YTHDF2: variants seen among roughly 807,000 people sequenced by gnomAD.
YTHDF2 encodes the protein YTH N6-methyladenosine RNA binding protein F2, also known as YTH domain-containing family protein 2.
A neutral mutation model predicts 50.4 loss-of-function variants in YTHDF2; 2 were observed. That is an observed-to-expected ratio of 0.04 (90% CI 0.02 to 0.12). YTHDF2 has a LOEUF of 0.12. YTHDF2 is among the 10% of genes least tolerant of loss of function. YTHDF2 has a pLI of 1.00. For synonymous variants in YTHDF2, 217 were observed against 255.6 expected (o/e 0.85, Z 1.44); for missense variants, 483 against 722.6 (o/e 0.67, Z 3.80).
intron 4 of YTHDF2, 90 bp downstream of exon 4, chr1:28,744,076 T>G (rs2087819882): frequency 1.5e-6 from 2 of 1,336,714 alleles, no homozygotes; most frequent in Non-Finnish European, 2.0e-6. Flanking sequence ...TAATAAAAAC[T>G]CTGTAAATGA....
intron 4 of YTHDF2, 73 bp from the exon 5 acceptor site, chr1:28,768,856 T>A: frequency 1.7e-6 from 2 of 1,157,456 alleles, no homozygotes; most frequent in Non-Finnish European, 2.5e-6. Flanking sequence ...TGAGTTATTC[T>A]GTGAAGTTTT....
intron 4 of YTHDF2, among the ~76,000 whole-genome samples, chr1:28,745,480 TC>T (rs1174111589): frequency 1.4e-4 from 22 of 152,322 alleles, no homozygotes; most frequent in African/African-American, 4.8e-4. Context: ...ACGCCTATAA[TC>T]CCAGCACTTT....
intron 4 of YTHDF2, among the ~76,000 whole-genome samples, chr1:28,752,996 G>T (rs1219817917): frequency 1.3e-5 from 2 of 151,946 alleles, no homozygotes; most frequent in African/African-American, 4.8e-5. Flanking sequence ...AATGAGCTGT[G>T]ATCATGCCAC....
At chr1:28,753,262 C>G (rs777677737) in intron 4 of YTHDF2, among the ~76,000 whole-genome samples, 8 of 146,114 alleles carry the variant, frequency 5.5e-5, no homozygotes, top group Non-Finnish European at 9.0e-5. Flanking sequence ...GGCTCATGCC[C>G]GTAATCCTCG....
At chr1:28,740,790 ACC>A (rs2087764154) in intron 3 of YTHDF2, among the ~76,000 whole-genome samples, 1 of 148,458 alleles carries the variant, frequency 6.7e-6, no homozygotes, top group African/African-American at 2.5e-5. Flanking sequence ...TGCAACCTTC[ACC>A]TCCTGGGTTC....
Position 28,768,932 on chromosome 1 carries a change from C to T in YTHDF2, c.1720C>T (p.Arg574Cys), listed in dbSNP as rs1006472903. The change falls in exon 5 of 5, where the codon CGT becomes TGT. Residue 574 changes from arginine to cysteine, a missense_variant. Around this residue, in one of 4 missense-constraint regions of YTHDF2, gnomAD observed 38 missense variants for 60.1 expected, o/e 0.63. Coordinates refer to ENST00000373812, the MANE Select transcript of YTHDF2 (RefSeq NM_016258.3). ...AATTTTTTTCTTACCTCTGTAGGAA[C>T]GTCAAGGTCGTGGGAAATAAAAGGC... The part of the protein sequence containing the change: ...QEEEESVKKE[R>C]QGRGK 53 of 1,592,612 alleles carry T rather than the reference C, an allele frequency of 3.3e-5. No individual in the cohort carries two copies. The highest frequency in any genetic ancestry group is 4.5e-5 in the Non-Finnish European group (53 of 1,168,648).
At chr1:28,737,207 C>T (rs1384450069) in intron 1 of YTHDF2, 60 bp downstream of exon 1, 2 of 1,486,252 alleles carry the variant, frequency 1.3e-6, no homozygotes, top group African/African-American at 1.4e-5. Flanking sequence ...CCCGACTAGG[C>T]CCGGGCCCGC....
At chr1:28,742,115 T>C (rs1024633922) in intron 3 of YTHDF2, among the ~76,000 whole-genome samples, 2 of 151,294 alleles carry the variant, frequency 1.3e-5, no homozygotes, top group African/African-American at 4.9e-5. Context: ...AGTGGTGCGA[T>C]CTAAGCTCAC....
Position 28,738,429 on chromosome 1 carries a change from A to T in YTHDF2, c.132+91A>T, listed in dbSNP as rs72663860. The T allele has an allele frequency of 3.8e-3, 4,343 of 1,154,380 alleles. 19 individuals are homozygous for T. The highest frequency in any genetic ancestry group is 6.7e-3 in the Middle Eastern group (33 of 4,952). 71.5% of individuals were successfully genotyped at this position (1,154,380 alleles called of 1,614,324 possible). On this transcript the variant is annotated intron_variant, in intron 3 of 4. Transcript: ENST00000373812. ...AATAAATCCCATTTTCTGAGGATTC[A>T]TTTTTTTTTCTTTTTTCTGTTTTCT...
rs568483076 is a variant in YTHDF2, at chr1:28,743,060, C to G, written c.790C>G (p.Leu264Val). 2.0e-5 allele frequency: 33 copies of G among 1,614,196 alleles called. 1 individual carries two copies. In the South Asian group the frequency reaches 3.4e-4, roughly 17 times the overall value. ...CAAGAATGGCATTGCAGGGTCAAGT[C>G]TTCCGCCACCCCCGATAAAGCATAA... ...KTKNGIAGSSLPPPPIKHNMD... is the reference protein window; with the variant it reads ...KTKNGIAGSSVPPPPIKHNMD... Residue 264 changes from leucine (L) to valine (V), a missense_variant, in exon 4 of 5, where the codon CTT becomes GTT. Physicochemically the swap from Leu to Val is conservative, Grantham distance 32. Transcript: ENST00000373812. The surrounding 1 kb of genome is among the most constrained non-coding windows in gnomAD (Gnocchi z 6.9).
At position 28,742,768 on chromosome 1, in the gene YTHDF2, T is replaced by G; in HGVS notation, c.498T>G (p.Asp166Glu). The change falls in exon 4 of 5, where the codon GAT (aspartate) becomes GAG (glutamate). Residue 166 changes from aspartate to glutamate, a missense_variant. Coordinates refer to ENST00000373812, the MANE Select transcript of YTHDF2 (RefSeq NM_016258.3). ...GCTCCTTAGGTGGAGCCATGATTGA[T>G]GGACAGTCAGCTTTTGCCAATGAGA... ...APSSLGGAMIDGQSAFANETL... is the reference protein window; with the variant it reads ...APSSLGGAMIEGQSAFANETL... The G allele has an allele frequency of 1.2e-6, 2 of 1,614,186 alleles. No individual in the cohort carries two copies. The highest frequency in any genetic ancestry group is 1.7e-6 in the Non-Finnish European group (2 of 1,180,016).
intron 1 of YTHDF2, 154 bp from the exon 2 acceptor site, chr1:28,737,504 C>A: frequency 9.5e-7 from 1 of 1,050,080 alleles, no homozygotes; most frequent in Non-Finnish European, 1.4e-6. Flanking sequence ...TTTCCCCCGC[C>A]TCCCATTTTC....
Position 28,769,049 on chromosome 1 carries a change from A to G in YTHDF2, c.*97A>G. ...GAATTAGGACTTTTTTCTTAATTTC[A>G]CTGACTTCAGAGACGATTGCAGACT... On this transcript the variant is annotated 3_prime_UTR_variant, in exon 5 of 5. Coordinates refer to ENST00000373812, the MANE Select transcript of YTHDF2 (RefSeq NM_016258.3). The G allele has an allele frequency of 9.2e-7, 1 of 1,088,338 alleles. No individual in the cohort carries two copies. Among genetic ancestry groups the G allele is most frequent in the Non-Finnish European group, 1.3e-6 (1 of 775,022 alleles). 67.4% of individuals were successfully genotyped at this position (1,088,338 alleles called of 1,614,324 possible).
At chr1:28,751,926 C>G in intron 4 of YTHDF2, among the ~76,000 whole-genome samples, 1 of 152,328 alleles carries the variant, frequency 6.6e-6, no homozygotes, top group African/African-American at 2.4e-5. Context: ...GATAAGCACT[C>G]AAATGGCAGC....
intron 4 of YTHDF2, among the ~76,000 whole-genome samples, chr1:28,761,129 G>GTGTTTTT (rs1440540368): frequency 2.8e-5 from 1 of 35,314 alleles, no homozygotes; most frequent in Admixed American, 2.2e-4. Flanking sequence ...GTGTGTGTGT[G>GTGTTTTT]TATTTTTTTT....
intron 4 of YTHDF2, among the ~76,000 whole-genome samples, chr1:28,761,163 C>T (rs1023743469): frequency 7.2e-5 from 9 of 124,484 alleles, no homozygotes; most frequent in Admixed American, 1.8e-4. Context: ...GAGAGAAGGC[C>T]TCACTTTGTC....
chr1:28,762,350 C>T (rs1458687957), intron 4 of YTHDF2, among the ~76,000 whole-genome samples: 1 of 152,150 alleles, frequency 6.6e-6, no homozygotes, highest in African/African-American at 2.4e-5. Flanking sequence ...GGAGATTGTG[C>T]CACGGCACTC....
intron 4 of YTHDF2, among the ~76,000 whole-genome samples, chr1:28,752,642 A>G (rs529480088): frequency 1.3e-5 from 2 of 152,288 alleles, no homozygotes; most frequent in African/African-American, 2.4e-5. Flanking sequence ...ATATAAATCA[A>G]TGTTTAATTT....
At chr1:28,750,735 A>G (rs1269036957) in intron 4 of YTHDF2, among the ~76,000 whole-genome samples, 1 of 152,062 alleles carries the variant, frequency 6.6e-6, no homozygotes, top group East Asian at 1.9e-4. Flanking sequence ...GTAGTTTTTA[A>G]ATACATTTAC....
Sources: allele counts gnomAD v4.1 joint callset (sites outside exome capture counted in the v4.1 genomes callset), GRCh38; gene constraint gnomAD v4.1.1; regional missense constraint gnomAD v4.1.1; non-coding constraint Gnocchi (gnomAD v3.1); transcripts MANE v1.5; gene names NCBI Gene and HGNC (gene_info 2026-07-23, HGNC 2026-07-21).